TM9SF4: variants seen among roughly 807,000 people sequenced by gnomAD.
TM9SF4 encodes the protein transmembrane 9 superfamily member 4, also known as dinucleotide oxidase disulfide thiol exchanger 3 superfamily member 4.
A neutral mutation model predicts 90.4 loss-of-function variants in TM9SF4; 26 were observed. The observed-to-expected ratio is 0.29, with a 90% confidence interval of 0.21 to 0.40. TM9SF4 has a LOEUF of 0.40. TM9SF4 is among the 10% of genes least tolerant of loss of function. TM9SF4 has a pLI of 1.00. For synonymous variants in TM9SF4, 293 were observed against 315.4 expected (o/e 0.93, Z 0.75); for missense variants, 549 against 834.8 (o/e 0.66, Z 4.22).
At chr20:32,160,170 T>C (rs2046994054) in intron 16 of TM9SF4, 59 bp downstream of exon 16, 1 of 1,610,396 alleles carries the variant, frequency 6.2e-7, no homozygotes, top group Admixed American at 1.7e-5. Flanking sequence ...ATTGAACGGG[T>C]TGATGAGGCT....
intron 1 of TM9SF4, among the ~76,000 whole-genome samples, chr20:32,128,577 G>C (rs114196595): frequency 1.1e-4 from 16 of 152,098 alleles, no homozygotes; most frequent in South Asian, 8.3e-4. Flanking sequence ...TTTCTCATCC[G>C]TCACCACCCC....
chr20:32,158,246 C>T (rs1392850749), intron 14 of TM9SF4, among the ~76,000 whole-genome samples: 2 of 152,222 alleles, frequency 1.3e-5, no homozygotes, highest in Admixed American at 6.5e-5. Flanking sequence ...CACCTCTCTG[C>T]ACCCCAGTTG....
At chr20:32,115,279 A>G (rs773353563) in intron 1 of TM9SF4, among the ~76,000 whole-genome samples, 20 of 152,210 alleles carry the variant, frequency 1.3e-4, no homozygotes, top group Non-Finnish European at 2.9e-4. Flanking sequence ...TCTGTTTTAC[A>G]ACTTGGACAA....
At chr20:32,159,679 G>A in intron 15 of TM9SF4, 1 of 388,078 alleles carries the variant, frequency 2.6e-6, no homozygotes, top group Admixed American at 3.9e-5. Context: ...ATAAGGCCTA[G>A]CGCTTGGTAA....
intron 16 of TM9SF4, among the ~76,000 whole-genome samples, chr20:32,160,776 C>T (rs979212065): frequency 6.6e-6 from 1 of 151,626 alleles, no homozygotes; most frequent in Non-Finnish European, 1.5e-5. Context: ...TGGTGAAACC[C>T]CATCGCTACT....
chr20:32,122,196 G>T (rs547789450), intron 1 of TM9SF4, among the ~76,000 whole-genome samples: 13 of 139,846 alleles, frequency 9.3e-5, no homozygotes, highest in African/African-American at 3.3e-4. Flanking sequence ...GCGGCTGGCC[G>T]GGCCGGGGGC....
At chr20:32,145,521 G>T in intron 8 of TM9SF4, 98 bp downstream of exon 8, 1 of 1,060,924 alleles carries the variant, frequency 9.4e-7, no homozygotes, top group Admixed American at 1.9e-5. Flanking sequence ...TGTTCTGAGG[G>T]TCAGGCGTAG....
chr20:32,123,207 GGGGAGGGGGGAGGGGGAGA>G (rs1600788428), intron 1 of TM9SF4, among the ~76,000 whole-genome samples: 14 of 13,488 alleles, frequency 1.0e-3, no homozygotes, highest in Admixed American at 1.9e-3. Flanking sequence ...GAGGGGGGAG[GGGGAGGGGGGAGGGGGAGA>G]GGGAGAGGGA....
chr20:32,144,428 A>T (rs1217332627), intron 6 of TM9SF4, among the ~76,000 whole-genome samples: 1 of 152,254 alleles, frequency 6.6e-6, no homozygotes, highest in African/African-American at 2.4e-5. Context: ...ATGAGTAGGC[A>T]TGATGGAATG....
chr20:32,114,240 G>A (rs925186882), intron 1 of TM9SF4, among the ~76,000 whole-genome samples: 2 of 152,184 alleles, frequency 1.3e-5, no homozygotes, highest in Non-Finnish European at 2.9e-5. Flanking sequence ...AACAGGAATG[G>A]AATAAATGAC....
chr20:32,123,260 T>G (rs2046363093), intron 1 of TM9SF4, among the ~76,000 whole-genome samples: 2 of 134,330 alleles, frequency 1.5e-5, no homozygotes, highest in South Asian at 2.7e-4. Context: ...TTCTACGTAA[T>G]AGCTTATGTT....
chr20:32,123,086 G>T (rs1192606668), intron 1 of TM9SF4, among the ~76,000 whole-genome samples: 2 of 147,556 alleles, frequency 1.4e-5, no homozygotes, highest in East Asian at 4.1e-4. Flanking sequence ...GGAGAATCAG[G>T]CAGGGAGGTT....
intron 15 of TM9SF4, among the ~76,000 whole-genome samples, 183 bp downstream of exon 15, chr20:32,158,697 A>G (rs192115237): frequency 1.3e-5 from 2 of 152,226 alleles, no homozygotes; most frequent in African/African-American, 4.8e-5. Context: ...TGAAAGTGAA[A>G]TGAGGCTGGG....
intron 2 of TM9SF4, among the ~76,000 whole-genome samples, chr20:32,134,428 TCC>T (rs2046566044): frequency 6.6e-6 from 1 of 152,112 alleles, no homozygotes; most frequent in Admixed American, 6.6e-5. Context: ...TTAATAGAGG[TCC>T]TTAATCCCTG....
chr20:32,126,422 G>A (rs889251151), intron 1 of TM9SF4, among the ~76,000 whole-genome samples: 1 of 152,174 alleles, frequency 6.6e-6, no homozygotes, highest in African/African-American at 2.4e-5. Flanking sequence ...TTGCGTCTGT[G>A]TTTTGCTCTT....
chr20:32,131,159 A>G (rs2046504885), intron 1 of TM9SF4, among the ~76,000 whole-genome samples: 1 of 152,178 alleles, frequency 6.6e-6, no homozygotes, highest in Non-Finnish European at 1.5e-5. Context: ...CTGATTGCCA[A>G]ATACAATACA....
chr20:32,142,010 G>A, intron 5 of TM9SF4, 115 bp downstream of exon 5: 2 of 1,525,154 alleles, frequency 1.3e-6, no homozygotes, highest in South Asian at 1.2e-5. Context: ...AGGTGCCCTG[G>A]GCATGATGGT....
chr20:32,151,338 C>T (rs1412523377), intron 12 of TM9SF4, among the ~76,000 whole-genome samples: 1 of 152,082 alleles, frequency 6.6e-6, no homozygotes, highest in Non-Finnish European at 1.5e-5. Flanking sequence ...CTCTGGCCTC[C>T]TGGAGGTAAG....
intron 3 of TM9SF4, 31 bp from the exon 4 acceptor site, chr20:32,141,466 C>G (rs376442411): frequency 1.2e-6 from 2 of 1,611,086 alleles, no homozygotes; most frequent in Non-Finnish European, 1.7e-6. Context: ...AGGGCTGAAG[C>G]TCTGAGCTTG....
Sources: allele counts gnomAD v4.1 joint callset (sites outside exome capture counted in the v4.1 genomes callset), GRCh38; gene constraint gnomAD v4.1.1; transcripts MANE v1.5; gene names NCBI Gene and HGNC (gene_info 2026-07-23, HGNC 2026-07-21).